The following PRKG2 variants were observed in gnomAD, a reference collection of about 807,000 sequenced individuals.
PRKG2 encodes cGMP-dependent protein kinase 2.
Under a neutral mutation model 97.2 loss-of-function variants are expected in PRKG2, and 33 were observed. That is an observed-to-expected ratio of 0.34 (90% CI 0.26 to 0.45). The LOEUF is 0.45. PRKG2 is among the 20% of genes least tolerant of loss of function. PRKG2 has a pLI of 1.00. For missense variants in PRKG2, 638 were observed against 900.0 expected (o/e 0.71, Z 3.73); for synonymous variants, 330 against 321.8 (o/e 1.03, Z -0.27).
At chr4:81,198,666 A>C (rs1238534579) in intron 2 of PRKG2, among the ~76,000 whole-genome samples, 1 of 152,154 alleles carries the variant, frequency 6.6e-6, no homozygotes, top group East Asian at 1.9e-4. Flanking sequence ...TAAACATTAC[A>C]ACCTGGAGCA....
At chr4:81,207,964 G>A (rs1363604946) in intron 1 of PRKG2, among the ~76,000 whole-genome samples, 1 of 152,110 alleles carries the variant, frequency 6.6e-6, no homozygotes, top group Non-Finnish European at 1.5e-5. Context: ...GCCACAAGGA[G>A]AAATGAACCA....
intron 8 of PRKG2, among the ~76,000 whole-genome samples, chr4:81,149,928 T>G (rs1748217084): frequency 6.6e-6 from 1 of 152,160 alleles, no homozygotes; most frequent in Admixed American, 6.5e-5. Flanking sequence ...CAAAGACCCC[T>G]ATCTACCTAG....
intron 17 of PRKG2, among the ~76,000 whole-genome samples, chr4:81,098,874 C>T (rs973396731): frequency 1.3e-5 from 2 of 152,134 alleles, no homozygotes; most frequent in African/African-American, 4.8e-5. Context: ...CACAGACACA[C>T]AAAGTGAGCA....
At chr4:81,211,274 T>C (rs1474463553) in intron 1 of PRKG2, among the ~76,000 whole-genome samples, 1 of 152,182 alleles carries the variant, frequency 6.6e-6, no homozygotes, top group Non-Finnish European at 1.5e-5. Context: ...CAGGGGAAAG[T>C]GCTAAGAGGT....
At chr4:81,108,776 A>G (rs1743620796) in intron 15 of PRKG2, among the ~76,000 whole-genome samples, 1 of 152,156 alleles carries the variant, frequency 6.6e-6, no homozygotes, top group South Asian at 2.1e-4. Context: ...ATGTGCCTGT[A>G]GTCCCATCTA....
At chr4:81,137,161 C>A (rs1010510271) in intron 13 of PRKG2, among the ~76,000 whole-genome samples, 2 of 151,960 alleles carry the variant, frequency 1.3e-5, no homozygotes, top group Non-Finnish European at 2.9e-5. Context: ...GGATAGTTCA[C>A]CTCCTCTCTA....
chr4:81,189,094 A>AAAAAAAAAAAAAAT (rs1553930140), intron 2 of PRKG2, among the ~76,000 whole-genome samples: 1 of 110,000 alleles, frequency 9.1e-6, no homozygotes, highest in African/African-American at 5.5e-5. Flanking sequence ...AAAAAAAAAG[A>AAAAAAAAAAAAAAT]AGCTAGCAAT....
At chr4:81,215,521 G>A (rs1322759333), upstream of PRKG2, among the ~76,000 whole-genome samples, 2 of 151,994 alleles carry the variant, frequency 1.3e-5, no homozygotes, top group Non-Finnish European at 2.9e-5. Flanking sequence ...AGTTCAGGGA[G>A]GTGTTCATTT....
chr4:81,137,546 G>T, intron 12 of PRKG2, 64 bp from the exon 13 acceptor site: 3 of 1,276,686 alleles, frequency 2.3e-6, no homozygotes, highest in Non-Finnish European at 3.4e-6. Context: ...TTTTAAAGTT[G>T]CTTAGAACTA....
At chr4:81,102,552 C>T (rs1477643788) in intron 17 of PRKG2, among the ~76,000 whole-genome samples, 1 of 152,202 alleles carries the variant, frequency 6.6e-6, no homozygotes, top group Non-Finnish European at 1.5e-5. Context: ...ATGAGCTTTA[C>T]AGCTGAAGGC....
intron 2 of PRKG2, among the ~76,000 whole-genome samples, chr4:81,182,038 T>C (rs775373239): frequency 2.6e-4 from 39 of 151,888 alleles, no homozygotes; most frequent in Non-Finnish European, 4.3e-4. Flanking sequence ...CTTATAGATA[T>C]TTAAAGGAAA....
chr4:81,119,632 C>T (rs1376353435), intron 14 of PRKG2, among the ~76,000 whole-genome samples: 1 of 151,946 alleles, frequency 6.6e-6, no homozygotes, highest in African/African-American at 2.4e-5. Context: ...GAGTTTCTCA[C>T]TGTACACAAA....
chr4:81,200,948 G>T (rs1290808125), intron 2 of PRKG2, among the ~76,000 whole-genome samples: 1 of 152,152 alleles, frequency 6.6e-6, no homozygotes, highest in African/African-American at 2.4e-5. Flanking sequence ...TCCCTACAAA[G>T]AGCTATGATA....
chr4:81,204,671 G>A lies in PRKG2; in HGVS notation c.377C>T (p.Ser126Phe). 1 of 1,614,196 alleles carries A rather than the reference G, an allele frequency of 6.2e-7. No homozygotes were observed. Among genetic ancestry groups the A allele is most frequent in the Non-Finnish European group, 8.5e-7 (1 of 1,180,026 alleles). Reference protein sequence around the residue: ...HSRRGAKAGVSAEPTTRTYDL... With the variant: ...HSRRGAKAGVFAEPTTRTYDL... ...ATAGGTCCGGGTTGTTGGCTCAGCAGACACGCCAGCCTTTGCTCCCCTCCT... is the reference window on the plus strand; with the variant it reads ...ATAGGTCCGGGTTGTTGGCTCAGCAAACACGCCAGCCTTTGCTCCCCTCCT... The change falls in exon 2 of 19, where the codon TCT becomes TTT. Residue 126 changes from serine to phenylalanine, a missense_variant. Transcript: ENST00000264399.
chr4:81,155,177 CAA>C (rs57874087), intron 6 of PRKG2, among the ~76,000 whole-genome samples: 10 of 74,336 alleles, frequency 1.3e-4, no homozygotes, highest in Admixed American at 1.3e-4. Context: ...GACTCCGTCT[CAA>C]AAAAAAAAAA....
At chr4:81,107,793 G>A (rs918287801) in intron 15 of PRKG2, among the ~76,000 whole-genome samples, 1 of 152,136 alleles carries the variant, frequency 6.6e-6, no homozygotes, top group South Asian at 2.1e-4. Context: ...TTACAGGCAC[G>A]AGTCACAACA....
rs759235338 is a variant in PRKG2, at chr4:81,092,497, G to GAAGGAAGA, written c.2127-46_2127-45insTCTTCCTT. On this transcript the variant is annotated intron_variant, in intron 17 of 18. Transcript: ENST00000264399. ...GGAAGGAAGGAAGGAAGGAAGGAAG[G>GAAGGAAGA]AAGGAAGGAAGGAAGGGAGAAAGAA... is the stretch of plus-strand genomic sequence containing the variant. 1.5e-5 allele frequency: 16 copies of GAAGGAAGA among 1,033,420 alleles called. No individual in the cohort carries two copies. The Admixed American group carries it at 2.9e-4, about 19-fold the overall frequency. The allele number at this position is 1,033,420 out of a possible 1,614,324, so 64.0% of individuals were successfully genotyped here.
chr4:81,185,245 C>CA (rs1347464691), intron 2 of PRKG2, among the ~76,000 whole-genome samples: 12 of 152,066 alleles, frequency 7.9e-5, no homozygotes, highest in African/African-American at 2.7e-4. Flanking sequence ...GGGTTACTCA[C>CA]AAAGAGAAGC....
Position 81,088,791 on chromosome 4 carries a change from C to G in PRKG2, c.*917G>C, listed in dbSNP as rs984027377. The G allele has an allele frequency of 6.6e-6, 1 of 152,182 alleles. No homozygotes were observed. Among genetic ancestry groups the G allele is most frequent in the Non-Finnish European group, 1.5e-5 (1 of 68,008 alleles). 9.4% of individuals were successfully genotyped at this position (152,182 alleles called of 1,614,324 possible). A position where few individuals can be genotyped will look rare whatever the true frequency, so the allele number is the denominator to read the frequency against. ...TTTGGTTTATTAATAGCAACTATCA[C>G]AGAATTTTTCAAAATACCTCAGATT... is the stretch of plus-strand genomic sequence containing the variant. On this transcript the variant is annotated 3_prime_UTR_variant, in exon 19 of 19. Transcript: ENST00000264399.
Sources: allele counts gnomAD v4.1 joint callset (sites outside exome capture counted in the v4.1 genomes callset), GRCh38; gene constraint gnomAD v4.1.1; transcripts MANE v1.5; gene names NCBI Gene and HGNC (gene_info 2026-07-23, HGNC 2026-07-21).